The following PACRG variants were observed in gnomAD, a reference collection of about 807,000 sequenced individuals.
The protein encoded by PACRG is parkin coregulated.
PACRG carries 29 observed loss-of-function variants against 29.7 expected under a neutral mutation model. The ratio of observed to expected loss-of-function variants is 0.98; its 90% confidence interval spans 0.73 to 1.33. PACRG has a LOEUF of 1.33. Among genes scored for constraint, PACRG ranks in the 40% most tolerant of loss-of-function variants. The probability of loss-of-function intolerance (pLI) is 0.00; values close to 1 mark genes in which losing one functional copy is unlikely to be tolerated. For missense variants in PACRG, 279 were observed against 316.2 expected, an observed-to-expected ratio of 0.88 and a Z score of 0.89; for synonymous variants, 116 against 118.7, an observed-to-expected ratio of 0.98 and a Z score of 0.15.
At chr6:162,767,101 A>G (rs569482029) in intron 1 of PACRG, among the ~76,000 whole-genome samples, 1 of 152,188 alleles carries the variant, frequency 6.6e-6, no homozygotes, top group Non-Finnish European at 1.5e-5. Flanking sequence ...GTAATACATG[A>G]TACAGTTTTA....
chr6:163,171,464 A>C (rs1466848731), intron 4 of PACRG, among the ~76,000 whole-genome samples: 3 of 152,112 alleles, frequency 2.0e-5, no homozygotes, highest in Non-Finnish European at 1.5e-5. Context: ...TGCCCATTTT[A>C]CAGATGAGGA....
chr6:162,917,138 T>C (rs1259913780), intron 2 of PACRG, among the ~76,000 whole-genome samples: 1 of 152,230 alleles, frequency 6.6e-6, no homozygotes, highest in Admixed American at 6.5e-5. Context: ...TTATCCATGT[T>C]ATTTTGAGAA....
intron 1 of PACRG, among the ~76,000 whole-genome samples, chr6:162,812,711 T>C (rs1786986329): frequency 6.6e-6 from 1 of 152,146 alleles, no homozygotes; most frequent in Non-Finnish European, 1.5e-5. Context: ...TAGCTAAAAC[T>C]GTTCTTTTTA....
chr6:163,133,652 G>T (rs1816820323), intron 4 of PACRG, among the ~76,000 whole-genome samples: 1 of 152,170 alleles, frequency 6.6e-6, no homozygotes, highest in Non-Finnish European at 1.5e-5. Context: ...CTATAAAGCA[G>T]GGCTGGGCTG....
chr6:162,786,915 G>T (rs1435901018), intron 1 of PACRG, among the ~76,000 whole-genome samples: 1 of 152,060 alleles, frequency 6.6e-6, no homozygotes, highest in African/African-American at 2.4e-5. Flanking sequence ...CACTGTTAAT[G>T]CAAAGTAAAT....
chr6:162,800,190 T>C (rs1047665293), intron 1 of PACRG, among the ~76,000 whole-genome samples: 3 of 152,238 alleles, frequency 2.0e-5, no homozygotes, highest in Non-Finnish European at 2.9e-5. Flanking sequence ...TATATTTAAC[T>C]GCAAGAAGAA....
At chr6:162,974,196 C>T (rs2128163346) in intron 2 of PACRG, among the ~76,000 whole-genome samples, 1 of 152,298 alleles carries the variant, frequency 6.6e-6, no homozygotes, top group East Asian at 1.9e-4. Context: ...TTTCTCATTG[C>T]AGATGGAGGG....
chr6:163,013,788 A>G (rs1805833602), intron 2 of PACRG, among the ~76,000 whole-genome samples: 1 of 152,188 alleles, frequency 6.6e-6, no homozygotes, highest in African/African-American at 2.4e-5. Context: ...AAAATGAAAA[A>G]TATTCATTAA....
intron 2 of PACRG, among the ~76,000 whole-genome samples, chr6:162,905,264 G>A (rs1244711021): frequency 6.6e-6 from 1 of 152,192 alleles, no homozygotes; most frequent in Non-Finnish European, 1.5e-5. Flanking sequence ...TAGGGCTCAG[G>A]AGAGCTGCCT....
chr6:163,178,039 A>G (rs1207867938), intron 4 of PACRG, among the ~76,000 whole-genome samples: 2 of 152,144 alleles, frequency 1.3e-5, no homozygotes, highest in Non-Finnish European at 2.9e-5. Context: ...GAGTGTTCCC[A>G]CTACCAAGCT....
At chr6:162,854,668 A>G (rs188450109) in intron 2 of PACRG, among the ~76,000 whole-genome samples, 68 of 152,340 alleles carry the variant, frequency 4.5e-4, no homozygotes, top group Admixed American at 4.1e-3. Flanking sequence ...GTATGTACGC[A>G]TGAGAGTATG....
intron 2 of PACRG, among the ~76,000 whole-genome samples, chr6:163,056,859 C>T (rs1810635605): frequency 6.6e-6 from 1 of 152,148 alleles, no homozygotes; most frequent in African/African-American, 2.4e-5. Context: ...CCTCCTCTTC[C>T]ATGACCATCC....
intron 2 of PACRG, among the ~76,000 whole-genome samples, chr6:162,984,221 C>T (rs752191791): frequency 3.9e-5 from 6 of 152,098 alleles, no homozygotes; most frequent in Middle Eastern, 3.4e-3. Context: ...ATTCTTATGC[C>T]TTTGCATCCT....
chr6:162,766,854 A>G (rs546008017), intron 1 of PACRG, among the ~76,000 whole-genome samples: 2 of 152,258 alleles, frequency 1.3e-5, no homozygotes, highest in South Asian at 4.1e-4. Context: ...AAATGTAAAT[A>G]TAAAAGGCTA....
intron 1 of PACRG, among the ~76,000 whole-genome samples, chr6:162,811,634 C>T (rs1786877786): frequency 6.6e-6 from 1 of 152,054 alleles, no homozygotes; most frequent in African/African-American, 2.4e-5. Context: ...AGGTCATCAA[C>T]TTGTTAAAGA....
chr6:163,262,497 C>G (rs1265363873), intron 4 of PACRG, among the ~76,000 whole-genome samples: 1 of 151,172 alleles, frequency 6.6e-6, no homozygotes, highest in Admixed American at 6.6e-5. Flanking sequence ...AAGCGAATCA[C>G]TCTGATCTAC....
intron 2 of PACRG, among the ~76,000 whole-genome samples, chr6:163,037,433 G>T (rs1287429119): frequency 6.6e-6 from 1 of 152,194 alleles, no homozygotes; most frequent in Non-Finnish European, 1.5e-5. Context: ...GGTTGCCATG[G>T]TTAGAACCTG....
At chr6:163,078,524 T>C (rs989308190) in intron 3 of PACRG, among the ~76,000 whole-genome samples, 3 of 151,926 alleles carry the variant, frequency 2.0e-5, no homozygotes, top group South Asian at 4.1e-4. Flanking sequence ...GGGGCAATGA[T>C]GATAATGACA....
At chr6:162,873,479 TGAAA>T (rs1793006508) in intron 2 of PACRG, among the ~76,000 whole-genome samples, 1 of 152,182 alleles carries the variant, frequency 6.6e-6, no homozygotes, top group Non-Finnish European at 1.5e-5. Context: ...AAATTGTTCT[TGAAA>T]GAATGCTATG....
Sources: allele counts gnomAD v4.1 joint callset (sites outside exome capture counted in the v4.1 genomes callset), GRCh38; gene constraint gnomAD v4.1.1; transcripts MANE v1.5; gene names NCBI Gene and HGNC (gene_info 2026-07-23, HGNC 2026-07-21).